The following ANK1 variants were observed in gnomAD, a reference collection of about 807,000 sequenced individuals.
ANK1 encodes the protein ankyrin-1.
A neutral mutation model predicts 210.4 loss-of-function variants in ANK1; 51 were observed. The ratio of observed to expected loss-of-function variants is 0.24; its 90% confidence interval spans 0.19 to 0.31. ANK1 has a LOEUF of 0.31. Among genes scored for constraint, ANK1 ranks in the 10% least tolerant of loss-of-function variants. The pLI is 1.00. For synonymous variants in ANK1, 967 were observed against 1,025.9 expected, an observed-to-expected ratio of 0.94 and a Z score of 1.10; for missense variants, 2,051 against 2,504.4, an observed-to-expected ratio of 0.82 and a Z score of 3.86.
intron 24 of ANK1, 57 bp downstream of exon 24, chr8:41,697,986 T>C (rs1821578653): frequency 5.8e-6 from 9 of 1,554,082 alleles, no homozygotes; most frequent in Middle Eastern, 1.7e-4. Context: ...CAACAATCAC[T>C]GTCCCAGGGT....
chr8:41,779,332 C>T (rs571251312), intron 1 of ANK1, among the ~76,000 whole-genome samples: 3 of 152,128 alleles, frequency 2.0e-5, no homozygotes, highest in Non-Finnish European at 2.9e-5. Flanking sequence ...ACTGCAGCCT[C>T]GAACTCCTGG....
At chr8:41,711,526 C>T (rs1826121954) in intron 16 of ANK1, among the ~76,000 whole-genome samples, 1 of 152,242 alleles carries the variant, frequency 6.6e-6, no homozygotes, top group South Asian at 2.1e-4. Flanking sequence ...AGGGCTGAGT[C>T]ACATGCCCCC....
At chr8:41,748,166 A>G (rs1402487735) in intron 2 of ANK1, among the ~76,000 whole-genome samples, 1 of 152,090 alleles carries the variant, frequency 6.6e-6, no homozygotes, top group Non-Finnish European at 1.5e-5. Flanking sequence ...TTAACTATTT[A>G]ACACAGAACA....
chr8:41,699,415 C>T (rs971941189), intron 23 of ANK1, 37 bp downstream of exon 23: 6 of 1,594,498 alleles, frequency 3.8e-6, no homozygotes, highest in East Asian at 2.2e-5. Flanking sequence ...GGTTGCATCT[C>T]GGCACCCCCG....
intron 1 of ANK1, among the ~76,000 whole-genome samples, chr8:41,895,985 C>G (rs369354611): frequency 6.6e-6 from 1 of 152,188 alleles, no homozygotes; most frequent in Non-Finnish European, 1.5e-5. Context: ...GCGGCGCGCC[C>G]GAGCAGGGCA....
At chr8:41,770,575 A>T (rs1007198991) in intron 1 of ANK1, among the ~76,000 whole-genome samples, 1 of 152,250 alleles carries the variant, frequency 6.6e-6, no homozygotes, top group African/African-American at 2.4e-5. Context: ...GTGGACCAGA[A>T]GCTGAATACA....
chr8:41,672,333 C>A (rs768009445), intron 38 of ANK1, 21 bp downstream of exon 38: 24 of 1,613,008 alleles, frequency 1.5e-5, no homozygotes, highest in Non-Finnish European at 1.8e-5. Flanking sequence ...AGGGACCCTG[C>A]TCCCACAGTC....
chr8:41,664,142 G>A, intron 39 of ANK1: 1 of 459,966 alleles, frequency 2.2e-6, no homozygotes, highest in Non-Finnish European at 4.4e-6. Context: ...AATGTGACTT[G>A]CTTGAAACCC....
At chr8:41,841,012 C>T (rs142238746) in intron 1 of ANK1, among the ~76,000 whole-genome samples, 2 of 152,208 alleles carry the variant, frequency 1.3e-5, no homozygotes, top group Non-Finnish European at 2.9e-5. Flanking sequence ...GCAATTACTG[C>T]GAATCTACCG....
chr8:41,667,173 G>C (rs1810835205), intron 39 of ANK1, among the ~76,000 whole-genome samples: 1 of 152,208 alleles, frequency 6.6e-6, no homozygotes, highest in Admixed American at 6.5e-5. Flanking sequence ...CCCTGCCCGG[G>C]GCACATACTT....
chr8:41,714,662 C>A (rs1366686270), intron 15 of ANK1, among the ~76,000 whole-genome samples: 1 of 152,144 alleles, frequency 6.6e-6, no homozygotes, highest in Non-Finnish European at 1.5e-5. Flanking sequence ...GAGTTCGAGA[C>A]CAGCCTGGGC....
intron 1 of ANK1, among the ~76,000 whole-genome samples, chr8:41,874,170 C>T (rs575619766): frequency 6.4e-4 from 97 of 152,328 alleles, no homozygotes; most frequent in African/African-American, 2.3e-3. Context: ...GGGAGTAGGG[C>T]AGCCGCACTT....
At chr8:41,770,820 G>GGA (rs1842835711) in intron 1 of ANK1, among the ~76,000 whole-genome samples, 1 of 152,202 alleles carries the variant, frequency 6.6e-6, no homozygotes, top group Admixed American at 6.5e-5. Flanking sequence ...TAAAGCTAAG[G>GGA]GAGAGAGCCC....
intron 20 of ANK1, 77 bp downstream of exon 20, chr8:41,703,964 C>CTA (rs1823828675): frequency 1.5e-6 from 2 of 1,373,728 alleles, no homozygotes; most frequent in Non-Finnish European, 2.1e-6. Flanking sequence ...GCATTAACCT[C>CTA]TACGGTTAGG....
At chr8:41,723,100 C>A (rs761499762) in intron 9 of ANK1, 25 bp downstream of exon 9, 3 of 1,608,740 alleles carry the variant, frequency 1.9e-6, no homozygotes, top group South Asian at 1.1e-5. Flanking sequence ...CTAGAAAATG[C>A]GCCTGACAGG....
At chr8:41,805,620 C>T (rs939605746) in intron 1 of ANK1, among the ~76,000 whole-genome samples, 2 of 152,116 alleles carry the variant, frequency 1.3e-5, no homozygotes, top group African/African-American at 4.8e-5. Context: ...CTGAGAGTTT[C>T]TAAAACTATG....
At chr8:41,699,976 C>T (rs1351532422) in intron 22 of ANK1, among the ~76,000 whole-genome samples, 1 of 152,214 alleles carries the variant, frequency 6.6e-6, no homozygotes, top group African/African-American at 2.4e-5. Flanking sequence ...CAATGGCAGC[C>T]AAAACCTCAT....
chr8:41,715,438 GGT>G (rs1382168580), intron 14 of ANK1, among the ~76,000 whole-genome samples: 1 of 152,222 alleles, frequency 6.6e-6, no homozygotes, highest in Non-Finnish European at 1.5e-5. Flanking sequence ...AGGCTGGCTG[GGT>G]GTGTGAGAAG....
chr8:41,754,870 C>A (rs992620018), intron 2 of ANK1, among the ~76,000 whole-genome samples: 10 of 152,234 alleles, frequency 6.6e-5, no homozygotes, highest in Non-Finnish European at 1.5e-4. Context: ...AGCTCCTTTC[C>A]AGGCGCAGCC....
Sources: gnomAD v4.1 joint callset for allele counts (sites outside exome capture counted in the v4.1 genomes callset) on GRCh38, gnomAD v4.1.1 for gene constraint, MANE v1.5 for transcripts, NCBI Gene and HGNC (gene_info 2026-07-23, HGNC 2026-07-21) for gene names.